EVA1A: variants seen among roughly 807,000 people sequenced by gnomAD.
EVA1A encodes the protein protein eva-1 homolog A.
EVA1A carries 7 observed loss-of-function variants against 9.8 expected under a neutral mutation model. The observed-to-expected ratio is 0.71, with a 90% CI of 0.41 to 1.34. EVA1A has a LOEUF of 1.34. Ranked by LOEUF, EVA1A falls within the 40% of genes most tolerant of loss-of-function variation. The pLI, the probability that EVA1A is intolerant of heterozygous loss-of-function variation, is 0.01. For synonymous variants in EVA1A, 90 were observed against 85.6 expected (o/e 1.05, Z -0.28); for missense variants, 206 against 205.9 (o/e 1.00, Z 0.00).
intron 1 of EVA1A, among the ~76,000 whole-genome samples, chr2:75,555,332 T>TCC: frequency 6.7e-6 from 1 of 149,082 alleles, no homozygotes; most frequent in East Asian, 2.0e-4. Context: ...TCTCTCTCTC[T>TCC]CTCTCCCCCA....
chr2:75,493,941 T>C (rs1674117282), intron 3 of EVA1A, among the ~76,000 whole-genome samples: 1 of 152,204 alleles, frequency 6.6e-6, no homozygotes, highest in Non-Finnish European at 1.5e-5. Flanking sequence ...GTTTAAGAGA[T>C]GTATCTATCT....
intron 3 of EVA1A, among the ~76,000 whole-genome samples, chr2:75,498,801 C>CTT (rs35246724): frequency 2.7e-5 from 4 of 147,230 alleles, no homozygotes; most frequent in South Asian, 2.1e-4. Context: ...CCACACACAC[C>CTT]TTTTTTTTTT....
Position 75,516,231 on chromosome 2 carries a change from T to C in EVA1A, c.85+1825A>G, listed in dbSNP as rs1388010481. Among the ~76,000 whole-genome samples the C allele has an allele frequency of 3.3e-5, 5 of 152,262 alleles. No individual in the cohort carries two copies. The East Asian group carries it at 9.6e-4, about 29-fold the overall frequency. On this transcript the variant is annotated intron_variant, in intron 3 of 3. Transcript: ENST00000393913. ...ACTAAAAACAATGGTTATTTGTATC[T>C]TGAATATTTAAATACATATTTGAAA...
At position 75,519,795 on chromosome 2, in the gene EVA1A, T is replaced by C. The variant is rs184932028; in HGVS notation, c.-68-1587A>G. Among the ~76,000 whole-genome samples, 162 of 152,174 alleles carry C rather than the reference T, an allele frequency of 1.1e-3. 1 individual carries two copies. Among genetic ancestry groups the C allele is most frequent in the African/African-American group, 3.8e-3 (156 of 41,568 alleles). On this transcript the variant is annotated intron_variant, in intron 2 of 3. Transcript: ENST00000393913. ...ATGTCTGAGTTTGTAGTGAGCCATG[T>C]GTATTTCAAAACCATTCCCTCCTTC...
At chr2:75,508,586 G>C (rs758752268) in intron 3 of EVA1A, among the ~76,000 whole-genome samples, 2 of 152,002 alleles carry the variant, frequency 1.3e-5, no homozygotes, top group African/African-American at 4.8e-5. Context: ...TTTTAATTTC[G>C]CCCCAGTCCT....
chr2:75,555,301 A>ATATCTCTC (rs1553421942), intron 1 of EVA1A, among the ~76,000 whole-genome samples: 1 of 57,154 alleles, frequency 1.7e-5, no homozygotes, highest in East Asian at 4.7e-4. Context: ...TCAAAACTCA[A>ATATCTCTC]TCTCTCTCTC....
At chr2:75,512,814 C>T (rs1674864245) in intron 3 of EVA1A, among the ~76,000 whole-genome samples, 1 of 152,152 alleles carries the variant, frequency 6.6e-6, no homozygotes, top group African/African-American at 2.4e-5. Flanking sequence ...CATTAGATGC[C>T]AGTAGCAGCC....
intron 3 of EVA1A, among the ~76,000 whole-genome samples, chr2:75,517,272 A>G (rs1675045096): frequency 6.6e-6 from 1 of 152,160 alleles, no homozygotes; most frequent in Non-Finnish European, 1.5e-5. Flanking sequence ...TCCTCGCCCA[A>G]AGGAAATCCA....
At chr2:75,532,277 C>T (rs944031077) in intron 1 of EVA1A, among the ~76,000 whole-genome samples, 3 of 150,414 alleles carry the variant, frequency 2.0e-5, no homozygotes, top group Non-Finnish European at 3.0e-5. Context: ...GGACACTTGG[C>T]GTATGAAAAG....
Position 75,502,504 on chromosome 2 carries a change from A to C in EVA1A, c.86-8895T>G, listed in dbSNP as rs1002794699. ...ATTCTGCAATCTAAGAATGCTTAAAAATATTAGGGTATATACAGATATACA... is the reference window on the plus strand; with the variant it reads ...ATTCTGCAATCTAAGAATGCTTAAACATATTAGGGTATATACAGATATACA... On this transcript the variant is annotated intron_variant, in intron 3 of 3. Coordinates refer to ENST00000393913, the MANE Select transcript of EVA1A (RefSeq NM_001135032.2). Among the ~76,000 whole-genome samples, 6 of 152,370 alleles carry C rather than the reference A, an allele frequency of 3.9e-5. No individual in the cohort carries two copies. The East Asian group carries it at 1.2e-3, about 29-fold the overall frequency.
At chr2:75,544,612 G>C (rs181419623) in intron 1 of EVA1A, among the ~76,000 whole-genome samples, 1 of 152,010 alleles carries the variant, frequency 6.6e-6, no homozygotes, top group African/African-American at 2.4e-5. Flanking sequence ...ACAAACACTG[G>C]AGTTTCTGAA....
chr2:75,493,849 C>G (rs938284485), intron 3 of EVA1A, among the ~76,000 whole-genome samples: 2 of 152,144 alleles, frequency 1.3e-5, no homozygotes, highest in African/African-American at 4.8e-5. Flanking sequence ...AGAGATTATT[C>G]CCAAATGAAA....
At chr2:75,563,801 C>G (rs76459482), upstream of EVA1A, among the ~76,000 whole-genome samples, 1 of 152,282 alleles carries the variant, frequency 6.6e-6, no homozygotes, top group African/African-American at 2.4e-5. Context: ...ACTCTCTGTG[C>G]CTCATTTTCC....
At chr2:75,497,313 T>C (rs916048465) in intron 3 of EVA1A, among the ~76,000 whole-genome samples, 1 of 152,128 alleles carries the variant, frequency 6.6e-6, no homozygotes, top group African/African-American at 2.4e-5. Context: ...ATATCTAGAA[T>C]CTATTTTAAA....
At chr2:75,506,524 A>G (rs1674625827) in intron 3 of EVA1A, among the ~76,000 whole-genome samples, 1 of 152,184 alleles carries the variant, frequency 6.6e-6, no homozygotes, top group African/African-American at 2.4e-5. Flanking sequence ...CCCATGCAGG[A>G]AGCTCCCTGA....
chr2:75,559,182 G>T (rs1204303659), intron 1 of EVA1A, among the ~76,000 whole-genome samples: 1 of 152,138 alleles, frequency 6.6e-6, no homozygotes, highest in African/African-American at 2.4e-5. Flanking sequence ...GGAGGGGGGA[G>T]ATGTCTTGTG....
At chr2:75,550,905 C>T (rs1456188999) in intron 1 of EVA1A, among the ~76,000 whole-genome samples, 2 of 152,242 alleles carry the variant, frequency 1.3e-5, no homozygotes, top group South Asian at 2.1e-4. Flanking sequence ...GGGCAGATCA[C>T]GAAGTCAGGA....
intron 1 of EVA1A, among the ~76,000 whole-genome samples, chr2:75,544,500 C>T (rs1168784456): frequency 1.3e-5 from 2 of 152,012 alleles, no homozygotes; most frequent in Admixed American, 6.6e-5. Context: ...CTCTTGTGGC[C>T]GATAGCGTCC....
upstream of EVA1A, among the ~76,000 whole-genome samples, chr2:75,562,868 G>A (rs1676953426): frequency 6.6e-6 from 1 of 152,218 alleles, no homozygotes; most frequent in African/African-American, 2.4e-5. Flanking sequence ...TACAATCAGT[G>A]CTCAGTAAAT....
Sources: gnomAD v4.1 joint callset for allele counts (sites outside exome capture counted in the v4.1 genomes callset) on GRCh38, gnomAD v4.1.1 for gene constraint, MANE v1.5 for transcripts, NCBI Gene and HGNC (gene_info 2026-07-23, HGNC 2026-07-21) for gene names.